Variants in AIRIM observed in about 807,000 individuals in gnomAD.
AIRIM encodes AFG2 interacting ribosome maturation factor.
At chr1:37,686,453 CT>C in the AIRIM span, 2 of 1,611,822 alleles carry the variant, frequency 1.2e-6, no homozygotes, top group Non-Finnish European at 1.7e-6. Context: ...GAGGATGGCT[CT>C]GCAAGAAAGA....
the AIRIM span, among the ~76,000 whole-genome samples, chr1:37,687,122 T>G: frequency 6.6e-6 from 1 of 151,604 alleles, no homozygotes; most frequent in East Asian, 1.9e-4. Flanking sequence ...ATAGTTTTTG[T>G]TTTTGTTTTT....
the AIRIM span, among the ~76,000 whole-genome samples, chr1:37,685,192 T>TTGG: frequency 6.7e-5 from 3 of 44,748 alleles, no homozygotes; most frequent in Non-Finnish European, 1.2e-4. Flanking sequence ...TGCTTTTTTT[T>TTGG]GGGGGGGGGG....
the AIRIM span, chr1:37,683,375 G>A: frequency 6.2e-7 from 1 of 1,613,808 alleles, no homozygotes; most frequent in Non-Finnish European, 8.5e-7. Context: ...CTTGGGCAAA[G>A]CTTGTATGTT....
At chr1:37,687,567 T>C in the AIRIM span, among the ~76,000 whole-genome samples, 1 of 151,732 alleles carries the variant, frequency 6.6e-6, no homozygotes, top group Non-Finnish European at 1.5e-5. Flanking sequence ...CTGGGCAATA[T>C]GGCAAGACTA....
At chr1:37,687,204 C>CA in the AIRIM span, among the ~76,000 whole-genome samples, 1 of 151,644 alleles carries the variant, frequency 6.6e-6, no homozygotes, top group African/African-American at 2.4e-5. Context: ...CTTGGCTCAC[C>CA]ACAACCTCTG....
the AIRIM span, chr1:37,690,184 T>G: frequency 8.6e-7 from 1 of 1,168,250 alleles, no homozygotes; most frequent in Non-Finnish European, 1.1e-6. Context: ...GCCTGGCTAA[T>G]TTTTGTATTT....
the AIRIM span, chr1:37,683,177 G>GA: frequency 8.7e-6 from 14 of 1,609,012 alleles, no homozygotes; most frequent in Non-Finnish European, 1.2e-5. Context: ...TAGGAAGACA[G>GA]AAAAAATGGC....
the AIRIM span, chr1:37,690,204 G>A: frequency 1.7e-5 from 20 of 1,188,840 alleles, 1 homozygote; most frequent in Admixed American, 2.5e-4. Flanking sequence ...TTTAGTAGAC[G>A]GGGTTCCTGA....
chr1:37,683,031 A>G, the AIRIM span: 2 of 1,327,636 alleles, frequency 1.5e-6, no homozygotes, highest in South Asian at 2.4e-5. Context: ...AATATGTCAG[A>G]CTGAAATACT....
the AIRIM span, among the ~76,000 whole-genome samples, chr1:37,685,348 T>C: frequency 8.6e-5 from 13 of 150,942 alleles, no homozygotes; most frequent in Admixed American, 2.6e-4. Flanking sequence ...TAGCTGGGAC[T>C]ATAGCTGCAC....
At chr1:37,688,266 C>T in the AIRIM span, among the ~76,000 whole-genome samples, 15 of 151,670 alleles carry the variant, frequency 9.9e-5, no homozygotes, top group Non-Finnish European at 2.2e-4. Context: ...CCATGTTGGC[C>T]AGGCTGGTCT....
At chr1:37,684,361 C>T in the AIRIM span, among the ~76,000 whole-genome samples, 3 of 152,150 alleles carry the variant, frequency 2.0e-5, no homozygotes, top group African/African-American at 7.2e-5. Flanking sequence ...ATAAGCCGGG[C>T]GCGGTGGCTC....
At chr1:37,689,826 G>A in the AIRIM span, 1 of 1,604,140 alleles carries the variant, frequency 6.2e-7, no homozygotes, top group Non-Finnish European at 8.5e-7. Context: ...TCCACCACGG[G>A]GAAGCACTTC....
At chr1:37,684,006 A>G in the AIRIM span, 1 of 152,530 alleles carries the variant, frequency 6.6e-6, no homozygotes, top group South Asian at 2.1e-4. Context: ...AGTACAGAAC[A>G]ATTCTGATCC....
the AIRIM span, chr1:37,692,089 G>A: frequency 2.5e-4 from 38 of 154,958 alleles, no homozygotes; most frequent in South Asian, 7.0e-3. Flanking sequence ...CAGCCAGCCA[G>A]TCAATCAGTC....
the AIRIM span, among the ~76,000 whole-genome samples, chr1:37,687,568 G>A: frequency 5.0e-4 from 76 of 151,858 alleles, no homozygotes; most frequent in Admixed American, 2.7e-3. Context: ...TGGGCAATAT[G>A]GCAAGACTAT....
At chr1:37,687,247 C>G in the AIRIM span, among the ~76,000 whole-genome samples, 34 of 152,018 alleles carry the variant, frequency 2.2e-4, no homozygotes, top group African/African-American at 8.2e-4. Flanking sequence ...CCTGCCTCAG[C>G]CTCCTGAGTA....
the AIRIM span, chr1:37,689,920 G>A: frequency 1.3e-6 from 2 of 1,505,418 alleles, no homozygotes; most frequent in African/African-American, 2.8e-5. Context: ...TAACCACGTT[G>A]GGGTGCCAAG....
At chr1:37,691,230 C>T in the AIRIM span, 36,725 of 152,156 alleles carry the variant, frequency 0.24, 5,241 homozygotes, top group East Asian at 0.69. Flanking sequence ...CCAGGCTTGC[C>T]AGGACTTCTA....
Sources: allele counts gnomAD v4.1 joint callset (sites outside exome capture counted in the v4.1 genomes callset), GRCh38; gene constraint gnomAD v4.1.1; transcripts MANE v1.5; gene names NCBI Gene and HGNC (gene_info 2026-07-23, HGNC 2026-07-21).